Variants in ATP2C2 observed in about 807,000 individuals in gnomAD.
ATP2C2 encodes calcium-transporting ATPase type 2C member 2.
Under a neutral mutation model 110.8 loss-of-function variants are expected in ATP2C2, and 171 were observed. The ratio of observed to expected loss-of-function variants is 1.54; its 90% CI spans 1.36 to 1.75. ATP2C2 has a LOEUF of 1.75. ATP2C2 is among the 40% of genes most tolerant of loss of function. ATP2C2 has a pLI of 0.00. For synonymous variants in ATP2C2, 804 were observed against 508.4 expected, an observed-to-expected ratio of 1.58 and a Z score of -7.82; for missense variants, 1,963 against 1,235.0, an observed-to-expected ratio of 1.59 and a Z score of -8.84.
chr16:84,387,767 G>C (rs1284682086), intron 1 of ATP2C2, among the ~76,000 whole-genome samples: 2 of 152,064 alleles, frequency 1.3e-5, no homozygotes, highest in African/African-American at 4.8e-5. Context: ...TTCTCAGACA[G>C]CTCTGGGTAC....
At chr16:84,404,809 C>CTTTTT (rs35653774) in intron 2 of ATP2C2, 3 of 275,140 alleles carry the variant, frequency 1.1e-5, no homozygotes, top group South Asian at 6.0e-5. Flanking sequence ...TTCCCAAGAC[C>CTTTTT]TTTTTTTTTT....
chr16:84,428,408 G>A (rs1001931710), intron 11 of ATP2C2, among the ~76,000 whole-genome samples: 1 of 152,232 alleles, frequency 6.6e-6, no homozygotes, highest in Non-Finnish European at 1.5e-5. Context: ...GTGGGCAGCT[G>A]TGTGTCCTAT....
At chr16:84,442,820 C>A (rs1909395360) in intron 15 of ATP2C2, among the ~76,000 whole-genome samples, 1 of 152,194 alleles carries the variant, frequency 6.6e-6, no homozygotes, top group Non-Finnish European at 1.5e-5. Context: ...AATCCCTCCA[C>A]CAGCGATTCC....
At chr16:84,396,219 C>T (rs1392534235) in intron 1 of ATP2C2, among the ~76,000 whole-genome samples, 9 of 107,500 alleles carry the variant, frequency 8.4e-5, no homozygotes, top group East Asian at 5.3e-4. Flanking sequence ...TTTCAAGCAT[C>T]GGGCGTGTGT....
chr16:84,463,487 G>C (rs1164380874), intron 26 of ATP2C2, 127 bp from the exon 27 acceptor site: 1 of 765,354 alleles, frequency 1.3e-6, no homozygotes, highest in East Asian at 2.6e-5. Flanking sequence ...CCTGCCTTCA[G>C]GGGAATGAAA....
At chr16:84,424,307 C>G (rs942639650) in intron 10 of ATP2C2, among the ~76,000 whole-genome samples, 2 of 150,664 alleles carry the variant, frequency 1.3e-5, no homozygotes, top group Non-Finnish European at 2.9e-5. Context: ...GGAATGGAGT[C>G]TCACTCTGTT....
chr16:84,369,422 C>G (rs1200217994), intron 1 of ATP2C2, among the ~76,000 whole-genome samples: 1 of 152,004 alleles, frequency 6.6e-6, no homozygotes, highest in African/African-American at 2.4e-5. Flanking sequence ...GCTTCGCAAA[C>G]AGAACTCGTT....
chr16:84,422,753 T>G, intron 9 of ATP2C2, 56 bp downstream of exon 9: 1 of 1,526,894 alleles, frequency 6.5e-7, no homozygotes, highest in Non-Finnish European at 8.9e-7. Context: ...GAGATTATTA[T>G]AGGCAAATAA....
At chr16:84,400,394 T>C (rs899018847) in intron 2 of ATP2C2, among the ~76,000 whole-genome samples, 2 of 151,720 alleles carry the variant, frequency 1.3e-5, no homozygotes, top group East Asian at 3.9e-4. Context: ...TGGCGCGATC[T>C]CTGCTCACTG....
chr16:84,424,573 G>A (rs986625542), intron 10 of ATP2C2, among the ~76,000 whole-genome samples: 1 of 80,660 alleles, frequency 1.2e-5, no homozygotes, highest in Admixed American at 1.3e-4. Flanking sequence ...CCACCGCACT[G>A]GGCTTTTTTT....
intron 6 of ATP2C2, among the ~76,000 whole-genome samples, chr16:84,415,219 G>A (rs1418536022): frequency 6.6e-6 from 1 of 152,152 alleles, no homozygotes; most frequent in Non-Finnish European, 1.5e-5. Context: ...CCTCCCTGGG[G>A]CATGTGGCCC....
intron 7 of ATP2C2, among the ~76,000 whole-genome samples, chr16:84,421,820 G>A (rs927467372): frequency 3.9e-5 from 6 of 152,192 alleles, no homozygotes; most frequent in African/African-American, 1.4e-4. Context: ...GTCTTCCATT[G>A]GGGGTGGTGA....
chr16:84,453,898 T>G (rs1340179068), intron 20 of ATP2C2, among the ~76,000 whole-genome samples: 2 of 152,062 alleles, frequency 1.3e-5, no homozygotes, highest in African/African-American at 4.8e-5. Flanking sequence ...TGCAGTGCAG[T>G]GGCACAATCT....
At chr16:84,408,591 G>C (rs1230601888) in intron 4 of ATP2C2, 97 bp downstream of exon 4, 6 of 960,898 alleles carry the variant, frequency 6.2e-6, no homozygotes, top group Non-Finnish European at 9.4e-6. Context: ...AGAGTTTGCT[G>C]TAGGGGGGAA....
intron 1 of ATP2C2, among the ~76,000 whole-genome samples, chr16:84,370,229 G>A (rs979183217): frequency 1.4e-4 from 22 of 152,330 alleles, no homozygotes; most frequent in African/African-American, 5.1e-4. Flanking sequence ...TTGCAGGAGA[G>A]TTCTCAGAGG....
chr16:84,405,487 T>C (rs1479938905), intron 3 of ATP2C2, among the ~76,000 whole-genome samples: 1 of 145,052 alleles, frequency 6.9e-6, no homozygotes, highest in Non-Finnish European at 1.6e-5. Flanking sequence ...GCTATATGAG[T>C]AAGTGAATAA....
chr16:84,368,538 A>C lies in ATP2C2; in HGVS notation c.-78A>C. On this transcript the variant is annotated 5_prime_UTR_variant, in exon 1 of 27. Transcript: ENST00000262429. ...GCTACCTGGTAACCGGGTCCGGCCCAGGAGGCTTGGGCGCGCGCAGCCATC... is the reference window on the plus strand; with the variant it reads ...GCTACCTGGTAACCGGGTCCGGCCCCGGAGGCTTGGGCGCGCGCAGCCATC... 2.6e-6 allele frequency: 3 copies of C among 1,155,892 alleles called. No individual in the cohort carries two copies. Among genetic ancestry groups the C allele is most frequent in the Non-Finnish European group, 3.7e-6 (3 of 812,632 alleles). The allele number at this position is 1,155,892 out of a possible 1,614,324, so 71.6% of individuals were successfully genotyped here.
chr16:84,390,614 C>T (rs895243397), intron 1 of ATP2C2, among the ~76,000 whole-genome samples: 13 of 151,790 alleles, frequency 8.6e-5, no homozygotes, highest in Admixed American at 3.9e-4. Context: ...TGAGTCGTTC[C>T]GGAGGCTGGA....
chr16:84,454,578 T>G, intron 20 of ATP2C2, among the ~76,000 whole-genome samples: 1 of 152,204 alleles, frequency 6.6e-6, no homozygotes, highest in East Asian at 1.9e-4. Flanking sequence ...TCATCTCAGT[T>G]TGGGCCTCAC....
Sources: gnomAD v4.1 joint callset for allele counts (sites outside exome capture counted in the v4.1 genomes callset) on GRCh38, gnomAD v4.1.1 for gene constraint, MANE v1.5 for transcripts, NCBI Gene and HGNC (gene_info 2026-07-23, HGNC 2026-07-21) for gene names.